The following EPB41L3 variants were observed in gnomAD, a reference collection of about 807,000 sequenced individuals.
EPB41L3 encodes the protein erythrocyte membrane protein band 4.1 like 3, also known as band 4.1-like protein 3.
In EPB41L3, 57 loss-of-function variants were observed where a neutral mutation model predicts 127.1. That is an observed-to-expected ratio of 0.45 (90% CI 0.36 to 0.56). EPB41L3 has a LOEUF of 0.56. Ranked by LOEUF, EPB41L3 falls within the 20% of genes least tolerant of loss-of-function variation. The pLI is 0.00. For missense variants in EPB41L3, 1,273 were observed against 1,372.2 expected (o/e 0.93, Z 1.14); for synonymous variants, 572 against 549.5 (o/e 1.04, Z -0.57).
At chr18:5,503,020 A>C (rs1379736430) in intron 1 of EPB41L3, among the ~76,000 whole-genome samples, 1 of 152,198 alleles carries the variant, frequency 6.6e-6, no homozygotes. Context: ...AATGTCAAAG[A>C]GTGATCACCT....
chr18:5,409,891 C>CCA (rs1333592399), intron 14 of EPB41L3, among the ~76,000 whole-genome samples: 1 of 151,796 alleles, frequency 6.6e-6, no homozygotes, highest in South Asian at 2.1e-4. Context: ...ACAATATAAG[C>CCA]CACACACACA....
At chr18:5,451,880 C>T (rs2082317821) in intron 3 of EPB41L3, among the ~76,000 whole-genome samples, 1 of 152,102 alleles carries the variant, frequency 6.6e-6, no homozygotes, top group Non-Finnish European at 1.5e-5. Context: ...ACTCTGTTGC[C>T]CCGGCTGGAG....
intron 2 of EPB41L3, among the ~76,000 whole-genome samples, chr18:5,484,770 C>T (rs532140812): frequency 6.6e-6 from 1 of 151,910 alleles, no homozygotes; most frequent in Admixed American, 6.6e-5. Context: ...ACATACAACT[C>T]ACCAAGAATG....
At chr18:5,582,214 G>A (rs949722009) in intron 3 of EPB41L3, among the ~76,000 whole-genome samples, 8 of 152,128 alleles carry the variant, frequency 5.3e-5, no homozygotes, top group East Asian at 1.9e-4. Context: ...TGGTCACTCC[G>A]TTTTGCTGGT....
At chr18:5,558,650 C>T (rs1007150502) in intron 3 of EPB41L3, among the ~76,000 whole-genome samples, 8 of 152,194 alleles carry the variant, frequency 5.3e-5, no homozygotes, top group Admixed American at 5.2e-4. Context: ...AAGTAAGTTT[C>T]TTAACCTTCA....
chr18:5,496,220 A>T (rs538115064), intron 1 of EPB41L3, among the ~76,000 whole-genome samples: 1 of 152,378 alleles, frequency 6.6e-6, no homozygotes, highest in African/African-American at 2.4e-5. Flanking sequence ...AATATAGTTT[A>T]GAATATATAG....
chr18:5,446,493 C>T (rs1212438916), intron 3 of EPB41L3, among the ~76,000 whole-genome samples: 1 of 152,230 alleles, frequency 6.6e-6, no homozygotes, highest in African/African-American at 2.4e-5. Flanking sequence ...GCGCTACTAA[C>T]ATTTTACATC....
In EPB41L3 at chr18:5,611,604, C is replaced by T. The variant is rs563241422; in HGVS notation, c.-306+736G>A. ...TTTTGAACTTTTATGACATGCATAC[C>T]AAGAAAAGCTTCATTAGAGAGTAGC... On this transcript the variant is annotated intron_variant, in intron 3 of 21. Transcript: ENST00000545076. 2.6e-5 allele frequency among the ~76,000 whole-genome samples: 4 copies of T among 152,144 alleles called. No individual in the cohort carries two copies. The East Asian group carries it at 7.7e-4, about 29-fold the overall frequency.
chr18:5,617,035 C>T (rs1195422127), intron 1 of EPB41L3, among the ~76,000 whole-genome samples: 1 of 152,002 alleles, frequency 6.6e-6, no homozygotes. Context: ...AAAGATAATG[C>T]CTAACTGTTT....
intron 3 of EPB41L3, among the ~76,000 whole-genome samples, chr18:5,573,337 C>G (rs573864693): frequency 6.6e-6 from 1 of 152,084 alleles, no homozygotes; most frequent in Non-Finnish European, 1.5e-5. Flanking sequence ...CATTAGAAAA[C>G]AAAACACATG....
upstream of EPB41L3, chr18:5,630,580 A>G (rs1331507337): frequency 2.0e-6 from 1 of 506,140 alleles, no homozygotes; most frequent in Non-Finnish European, 3.9e-6. Flanking sequence ...GGAGGCTGGA[A>G]GGGGCCGCCA....
chr18:5,405,327 C>A (rs1880022), intron 16 of EPB41L3, among the ~76,000 whole-genome samples: 145,697 of 152,292 alleles, frequency 0.96, 70,018 homozygotes, highest in East Asian at 1. Flanking sequence ...GATATTTCCC[C>A]ATAAAGTGGT....
chr18:5,441,518 C>T lies in EPB41L3; in HGVS notation c.529+2320G>A, dbSNP rs796275039. Among the ~76,000 whole-genome samples the T allele has an allele frequency of 1.1e-3, 158 of 148,186 alleles. 1 individual carries two copies. Among genetic ancestry groups the T allele is most frequent in the African/African-American group, 2.2e-3 (87 of 39,492 alleles). On this transcript the variant is annotated intron_variant, in intron 5 of 22. Coordinates refer to ENST00000341928, the MANE Select transcript of EPB41L3 (RefSeq NM_012307.5). ...TTTCGCTCTGTCGCCCAGGCTGGAG[C>T]GCAGTGGCGCGATCTCGACTCACTG...
chr18:5,478,419 T>G lies in EPB41L3; in HGVS notation c.203A>C (p.Glu68Ala). The G allele has an allele frequency of 6.2e-7, 1 of 1,614,178 alleles. No homozygotes were observed. Among genetic ancestry groups the G allele is most frequent in the Non-Finnish European group, 8.5e-7 (1 of 1,180,008 alleles). The change falls in exon 3 of 23, where the codon GAG becomes GCG. Residue 68 changes from glutamate (E) to alanine (A), a missense_variant. Physicochemically the swap from Glu to Ala is moderately radical, Grantham distance 107. Transcript: ENST00000341928. ...VRREVTDKEQ[E>A]FAARAAKQLE... ...CTGTTTTGCAGCCCTGGCAGCAAACTCCTGTTCCTTGTCAGTGACCTGTGA... is the reference window on the plus strand; with the variant it reads ...CTGTTTTGCAGCCCTGGCAGCAAACGCCTGTTCCTTGTCAGTGACCTGTGA...
intron 3 of EPB41L3, among the ~76,000 whole-genome samples, chr18:5,578,208 T>A (rs1280857775): frequency 6.6e-6 from 1 of 152,202 alleles, no homozygotes; most frequent in Non-Finnish European, 1.5e-5. Flanking sequence ...TTTGTAAACA[T>A]TAATTTAATC....
intron 1 of EPB41L3, among the ~76,000 whole-genome samples, chr18:5,530,313 G>A (rs1165561835): frequency 1.3e-5 from 2 of 152,108 alleles, no homozygotes; most frequent in Non-Finnish European, 2.9e-5. Flanking sequence ...GCCAGAAACT[G>A]TTAAGGAGTT....
chr18:5,408,273 C>CTTTTTT (rs1208956534), intron 14 of EPB41L3, among the ~76,000 whole-genome samples: 1 of 50,466 alleles, frequency 2.0e-5, no homozygotes, highest in African/African-American at 3.3e-5. Context: ...TTTCTTTTTT[C>CTTTTTT]TTTTTTTTTT....
rs765340212 is a variant in EPB41L3, at chr18:5,398,155, AAG to A, written c.2350-14_2350-13del. On this transcript the variant is annotated splice_polypyrimidine_tract_variant and intron_variant, in intron 16 of 22. Transcript: ENST00000341928. Reference sequence around the variant, plus strand: ...GAAGACTGCTTAGTCTGAGTGAACAAAGAGAGGCAGAGTCAAGCACAAAAGAG... The same window carrying A: ...GAAGACTGCTTAGTCTGAGTGAACAAAGAGGCAGAGTCAAGCACAAAAGAG... 1 of 1,613,806 alleles carries A rather than the reference AAG, an allele frequency of 6.2e-7. No individual in the cohort carries two copies. Among genetic ancestry groups the A allele is most frequent in the Admixed American group, 1.7e-5 (1 of 60,010 alleles).
intron 9 of EPB41L3, among the ~76,000 whole-genome samples, chr18:5,428,086 A>T (rs1384030053): frequency 1.3e-5 from 2 of 152,192 alleles, no homozygotes; most frequent in Non-Finnish European, 2.9e-5. Context: ...ATATGTTTTT[A>T]AAAACCCTCC....
Sources: gnomAD v4.1 joint callset for allele counts (sites outside exome capture counted in the v4.1 genomes callset) on GRCh38, gnomAD v4.1.1 for gene constraint, MANE v1.5 for transcripts, NCBI Gene and HGNC (gene_info 2026-07-23, HGNC 2026-07-21) for gene names.